The following NUDCD1 variants were observed in gnomAD, a reference collection of about 807,000 sequenced individuals.
NUDCD1 encodes the protein nudC domain-containing protein 1.
In NUDCD1, 60 loss-of-function variants were observed where a neutral mutation model predicts 67.8. The ratio of observed to expected loss-of-function variants is 0.88; its 90% CI spans 0.72 to 1.10. The LOEUF is 1.10. Among genes scored for constraint, NUDCD1 ranks in the 50% least tolerant of loss-of-function variants. The pLI is 0.00. For synonymous variants in NUDCD1, 244 were observed against 230.8 expected, an observed-to-expected ratio of 1.06 and a Z score of -0.52; for missense variants, 643 against 695.0, an observed-to-expected ratio of 0.93 and a Z score of 0.84.
chr8:109,303,980 A>G (rs548233520), intron 2 of NUDCD1, among the ~76,000 whole-genome samples: 15 of 152,144 alleles, frequency 9.9e-5, no homozygotes, highest in African/African-American at 3.6e-4. Flanking sequence ...TGCCAAAACC[A>G]TATACTCTCC....
intron 2 of NUDCD1, among the ~76,000 whole-genome samples, chr8:109,302,556 A>C (rs1815013970): frequency 6.6e-6 from 1 of 151,676 alleles, no homozygotes; most frequent in East Asian, 1.9e-4. Flanking sequence ...TAACCCTCCT[A>C]TTACCTCCCC....
intron 8 of NUDCD1, among the ~76,000 whole-genome samples, chr8:109,262,909 G>A (rs1813899032): frequency 6.6e-6 from 1 of 151,664 alleles, no homozygotes; most frequent in African/African-American, 2.4e-5. Flanking sequence ...TAAAAAATTA[G>A]CTGGGTCTAA....
rs1295379967 is a variant in NUDCD1, at chr8:109,281,102, A to G, written c.894T>C (p.Thr298=). The G allele has an allele frequency of 5.6e-6, 9 of 1,613,236 alleles. No individual in the cohort carries two copies. The Admixed American group carries it at 1.5e-4, about 27-fold the overall frequency. Residue 298 remains threonine (T), a synonymous_variant, in exon 6 of 10, where the codon ACT becomes ACC. Transcript: ENST00000239690. ...TVTIRLPEDS[T]KEDIQIQFLP... is the part of the protein sequence containing the mutation. ...AAAACTGTATTTGAATGTCCTCCTT[A>G]GTACTGTCTTCTGGAAGCCGTATGG...
intron 2 of NUDCD1, among the ~76,000 whole-genome samples, chr8:109,302,730 C>T (rs893444078): frequency 6.6e-6 from 1 of 152,136 alleles, no homozygotes; most frequent in African/African-American, 2.4e-5. Context: ...GGCTCTTTTT[C>T]ATCAAATATG....
chr8:109,261,590 T>C (rs1033752879), intron 8 of NUDCD1, among the ~76,000 whole-genome samples: 6 of 152,088 alleles, frequency 3.9e-5, no homozygotes, highest in African/African-American at 1.4e-4. Context: ...AATGAAATAT[T>C]AGACATTTAG....
chr8:109,281,413 C>T (rs181113147), intron 5 of NUDCD1, among the ~76,000 whole-genome samples: 1 of 152,206 alleles, frequency 6.6e-6, no homozygotes, highest in East Asian at 1.9e-4. Flanking sequence ...TCATAAAATA[C>T]TAATGATAGC....
intron 8 of NUDCD1, among the ~76,000 whole-genome samples, chr8:109,266,532 C>A (rs1340364502): frequency 6.6e-6 from 1 of 151,886 alleles, no homozygotes; most frequent in Non-Finnish European, 1.5e-5. Flanking sequence ...GTGTGAGCCA[C>A]CTCGCCCGGC....
chr8:109,295,128 C>T (rs796577148), intron 3 of NUDCD1, among the ~76,000 whole-genome samples: 4 of 152,024 alleles, frequency 2.6e-5, no homozygotes, highest in Non-Finnish European at 4.4e-5. Flanking sequence ...TCTTAATACA[C>T]GCCAAGGGGA....
chr8:109,301,535 G>A (rs1309515801), intron 2 of NUDCD1, among the ~76,000 whole-genome samples: 1 of 152,166 alleles, frequency 6.6e-6, no homozygotes, highest in Non-Finnish European at 1.5e-5. Context: ...GACTCCTTTG[G>A]GAGACCAGTC....
intron 2 of NUDCD1, among the ~76,000 whole-genome samples, chr8:109,297,744 T>G (rs1814878447): frequency 6.6e-6 from 1 of 152,220 alleles, no homozygotes; most frequent in Non-Finnish European, 1.5e-5. Context: ...GCAGCACAAA[T>G]GGACTACAAC....
At chr8:109,271,179 G>T in intron 7 of NUDCD1, 49 bp from the exon 8 acceptor site, 1 of 1,294,208 alleles carries the variant, frequency 7.7e-7, no homozygotes, top group South Asian at 1.5e-5. Context: ...AATAAACAAG[G>T]GAATGGGTTT....
chr8:109,285,418 T>C (rs1394224049), intron 5 of NUDCD1, among the ~76,000 whole-genome samples: 1 of 152,092 alleles, frequency 6.6e-6, no homozygotes, highest in Non-Finnish European at 1.5e-5. Context: ...TTCATCAAAA[T>C]ACTGGCAAGC....
intron 1 of NUDCD1, among the ~76,000 whole-genome samples, chr8:109,323,224 A>G (rs1815584018): frequency 6.6e-6 from 1 of 152,198 alleles, no homozygotes; most frequent in Admixed American, 6.5e-5. Context: ...TGCTGGGCCA[A>G]TATCCTACCC....
intron 6 of NUDCD1, among the ~76,000 whole-genome samples, chr8:109,278,047 A>G (rs896841274): frequency 2.6e-5 from 4 of 152,346 alleles, no homozygotes; most frequent in Admixed American, 6.5e-5. Context: ...TCAGACTCAC[A>G]TGGATCATAT....
At chr8:109,297,153 A>G (rs11997273) in intron 2 of NUDCD1, among the ~76,000 whole-genome samples, 11,151 of 152,222 alleles carry the variant, frequency 0.073, 1,333 homozygotes, top group African/African-American at 0.25. Flanking sequence ...AAACTAATAC[A>G]ATGCAGTAAT....
intron 7 of NUDCD1, among the ~76,000 whole-genome samples, chr8:109,272,487 T>C (rs1265707272): frequency 1.3e-5 from 2 of 152,114 alleles, no homozygotes; most frequent in African/African-American, 2.4e-5. Flanking sequence ...ATAAAAGCAA[T>C]TTTTAAATGT....
intron 8 of NUDCD1, among the ~76,000 whole-genome samples, chr8:109,264,137 T>G (rs978849977): frequency 2.6e-5 from 4 of 152,210 alleles, no homozygotes; most frequent in African/African-American, 9.6e-5. Context: ...GGGAATCGTT[T>G]GAGTTGCAAA....
chr8:109,275,664 C>A (rs968105710), intron 6 of NUDCD1, among the ~76,000 whole-genome samples, 168 bp from the exon 7 acceptor site: 1 of 152,080 alleles, frequency 6.6e-6, no homozygotes, highest in Admixed American at 6.6e-5. Context: ...GATGGAAAAC[C>A]TATAATCCAA....
intron 1 of NUDCD1, chr8:109,329,669 T>G: frequency 1.4e-6 from 1 of 723,450 alleles, no homozygotes; most frequent in Non-Finnish European, 2.2e-6. Flanking sequence ...TTTAGTATCT[T>G]GATTGTGGTG....
Sources: allele counts gnomAD v4.1 joint callset (sites outside exome capture counted in the v4.1 genomes callset), GRCh38; gene constraint gnomAD v4.1.1; transcripts MANE v1.5; gene names NCBI Gene and HGNC (gene_info 2026-07-23, HGNC 2026-07-21).